Variants in TSNARE1 observed in about 807,000 individuals in gnomAD.
TSNARE1 encodes t-SNARE domain-containing protein 1.
A neutral mutation model predicts 62.0 loss-of-function variants in TSNARE1; 49 were observed. The ratio of observed to expected loss-of-function variants is 0.79; its 90% CI spans 0.63 to 1.00. TSNARE1 has a LOEUF of 1.00. Among genes scored for constraint, TSNARE1 ranks in the 50% least tolerant of loss-of-function variants. The pLI is 0.00. For synonymous variants in TSNARE1, 328 were observed against 294.4 expected (o/e 1.11, Z -1.17); for missense variants, 755 against 700.1 (o/e 1.08, Z -0.88).
At chr8:142,335,553 T>TTAG (rs1831640907) in intron 4 of TSNARE1, among the ~76,000 whole-genome samples, 1 of 151,812 alleles carries the variant, frequency 6.6e-6, no homozygotes, top group African/African-American at 2.4e-5. Flanking sequence ...TCATAAGCCC[T>TTAG]TAGTGGAGAT....
At chr8:142,279,929 G>A (rs1165075764) in intron 11 of TSNARE1, 31 of 1,051,456 alleles carry the variant, frequency 2.9e-5, no homozygotes, top group Non-Finnish European at 3.3e-5. Context: ...GCCACCATGC[G>A]CTCCACAGGT....
At chr8:142,325,872 G>T (rs1328367857) in intron 6 of TSNARE1, among the ~76,000 whole-genome samples, 1 of 151,654 alleles carries the variant, frequency 6.6e-6, no homozygotes, top group East Asian at 1.9e-4. Context: ...GAAGGGGAGG[G>T]GCCCCAGAGA....
intron 1 of TSNARE1, among the ~76,000 whole-genome samples, chr8:142,400,181 C>T (rs1181693255): frequency 2.6e-5 from 4 of 152,114 alleles, no homozygotes; most frequent in Non-Finnish European, 5.9e-5. Context: ...CAGTGGCTCA[C>T]GCCTGTAATC....
At chr8:142,369,983 G>C (rs979926957) in intron 1 of TSNARE1, among the ~76,000 whole-genome samples, 1 of 152,152 alleles carries the variant, frequency 6.6e-6, no homozygotes, top group Non-Finnish European at 1.5e-5. Context: ...GGTGTTAGGA[G>C]GAGGGCCTTT....
At chr8:142,355,234 A>G (rs1433901201) in intron 1 of TSNARE1, among the ~76,000 whole-genome samples, 1 of 152,038 alleles carries the variant, frequency 6.6e-6, no homozygotes, top group African/African-American at 2.4e-5. Flanking sequence ...CTTGAGCCGC[A>G]CTCCACGGTA....
intron 6 of TSNARE1, among the ~76,000 whole-genome samples, chr8:142,322,639 G>C (rs1829630844): frequency 6.6e-6 from 1 of 152,326 alleles, no homozygotes; most frequent in South Asian, 2.1e-4. Flanking sequence ...GAGAGGAGAG[G>C]AACACAAATA....
intron 1 of TSNARE1, among the ~76,000 whole-genome samples, chr8:142,363,244 G>A (rs2130904543): frequency 6.6e-6 from 1 of 152,282 alleles, no homozygotes; most frequent in African/African-American, 2.4e-5. Flanking sequence ...GAGGAAAGCG[G>A]GGAGCCTCTG....
At chr8:142,212,549 C>T (rs903366778) in intron 13 of TSNARE1, among the ~76,000 whole-genome samples, 1 of 152,032 alleles carries the variant, frequency 6.6e-6, no homozygotes, top group South Asian at 2.1e-4. Flanking sequence ...CGCTCAGCAC[C>T]ATCCCCTGCC....
At chr8:142,266,184 T>G (rs991488233) in intron 12 of TSNARE1, among the ~76,000 whole-genome samples, 1 of 152,238 alleles carries the variant, frequency 6.6e-6, no homozygotes, top group Non-Finnish European at 1.5e-5. Context: ...TTCTTCACCT[T>G]TAATATACTA....
At chr8:142,220,527 G>A (rs949057533) in intron 13 of TSNARE1, among the ~76,000 whole-genome samples, 1 of 152,170 alleles carries the variant, frequency 6.6e-6, no homozygotes, top group Admixed American at 6.5e-5. Flanking sequence ...GGTCAGGCCC[G>A]GGTGGCCTCC....
intron 2 of TSNARE1, among the ~76,000 whole-genome samples, 161 bp downstream of exon 2, chr8:142,354,476 G>C (rs1834530230): frequency 6.6e-6 from 1 of 152,134 alleles, no homozygotes; most frequent in Non-Finnish European, 1.5e-5. Flanking sequence ...CCAGGGGCCT[G>C]AATGGGCTGA....
chr8:142,266,319 G>A (rs1819130000), intron 12 of TSNARE1, among the ~76,000 whole-genome samples: 1 of 152,094 alleles, frequency 6.6e-6, no homozygotes, highest in African/African-American at 2.4e-5. Context: ...CAATTTCTTG[G>A]TTCACTATTC....
intron 13 of TSNARE1, among the ~76,000 whole-genome samples, chr8:142,222,113 T>C (rs1365653520): frequency 9.1e-6 from 1 of 109,740 alleles, no homozygotes; most frequent in Non-Finnish European, 1.9e-5. Context: ...CACTCACTCA[T>C]CCACTCATTC....
chr8:142,262,631 T>C (rs764713404), intron 12 of TSNARE1, among the ~76,000 whole-genome samples: 3 of 152,138 alleles, frequency 2.0e-5, no homozygotes, highest in Non-Finnish European at 4.4e-5. Context: ...GTCATGGCGA[T>C]AGTGAGTTCT....
At chr8:142,258,128 C>T (rs926453878) in intron 12 of TSNARE1, among the ~76,000 whole-genome samples, 9 of 152,174 alleles carry the variant, frequency 5.9e-5, no homozygotes, top group African/African-American at 1.9e-4. Context: ...CGAAGGCACA[C>T]GCGAAGGCAC....
intron 4 of TSNARE1, among the ~76,000 whole-genome samples, chr8:142,342,027 T>C (rs956943712): frequency 2.0e-5 from 3 of 152,248 alleles, no homozygotes; most frequent in African/African-American, 7.2e-5. Context: ...CTGGGGCGAC[T>C]GAGCCACTAC....
intron 1 of TSNARE1, among the ~76,000 whole-genome samples, chr8:142,355,822 G>A (rs748517338): frequency 2.6e-5 from 4 of 152,188 alleles, no homozygotes; most frequent in Admixed American, 2.0e-4. Flanking sequence ...CCCTAGGGCC[G>A]GGGAAGGCGG....
At chr8:142,261,044 A>AAGCAGGAG (rs1367123148) in intron 12 of TSNARE1, among the ~76,000 whole-genome samples, 1 of 104,356 alleles carries the variant, frequency 9.6e-6, no homozygotes, top group African/African-American at 3.7e-5. Context: ...AAGAGGAGGG[A>AAGCAGGAG]GGAAGGAAAG....
Position 142,261,508 on chromosome 8 carries a change from T to C in TSNARE1, c.1446+13273A>G, listed in dbSNP as rs116368447. 7.2e-3 allele frequency among the ~76,000 whole-genome samples: 1,091 copies of C among 151,944 alleles called. 11 individuals carry two copies. Among genetic ancestry groups the C allele is most frequent in the African/African-American group, 0.025 (1,044 of 41,440 alleles). On this transcript the variant is annotated intron_variant, in intron 12 of 13. Coordinates refer to ENST00000524325, the MANE Select transcript of TSNARE1 (RefSeq NM_145003.5). ...CACATGCTGGGATGCTGGCACTCCC[T>C]GCTTTCTGTAGTTATTTGAAGACTA...
Sources: gnomAD v4.1 joint callset for allele counts (sites outside exome capture counted in the v4.1 genomes callset) on GRCh38, gnomAD v4.1.1 for gene constraint, MANE v1.5 for transcripts, NCBI Gene and HGNC (gene_info 2026-07-23, HGNC 2026-07-21) for gene names.